TIAM2: variants seen among roughly 807,000 people sequenced by gnomAD.
TIAM2 encodes rho guanine nucleotide exchange factor TIAM2.
TIAM2 carries 80 observed loss-of-function variants against 152.9 expected under a neutral mutation model. The observed-to-expected ratio is 0.52, with a 90% CI of 0.44 to 0.63. The LOEUF is 0.63. Among genes scored for constraint, TIAM2 ranks in the 30% least tolerant of loss-of-function variants. TIAM2 has a pLI of 0.00. For missense variants in TIAM2, 1,965 were observed against 2,120.1 expected, an observed-to-expected ratio of 0.93 and a Z score of 1.44; for synonymous variants, 804 against 838.0, an observed-to-expected ratio of 0.96 and a Z score of 0.70.
chr6:155,051,860 G>A (rs753027058), intron 1 of TIAM2, among the ~76,000 whole-genome samples: 22 of 152,004 alleles, frequency 1.4e-4, no homozygotes, highest in Non-Finnish European at 2.8e-4. Flanking sequence ...GGATGGTCTC[G>A]AACTCGTGAC....
chr6:155,098,401 T>C (rs1778468578), intron 2 of TIAM2, among the ~76,000 whole-genome samples: 1 of 152,240 alleles, frequency 6.6e-6, no homozygotes, highest in Non-Finnish European at 1.5e-5. Flanking sequence ...ACTTCTTTGG[T>C]TAAATTGCTT....
At chr6:155,044,217 G>A (rs192621117) in intron 1 of TIAM2, among the ~76,000 whole-genome samples, 20 of 152,176 alleles carry the variant, frequency 1.3e-4, no homozygotes, top group African/African-American at 3.9e-4. Flanking sequence ...GAGGTCACTC[G>A]TCCTGCCCAG....
intron 1 of TIAM2, among the ~76,000 whole-genome samples, chr6:155,040,059 T>C (rs1776991878): frequency 6.6e-6 from 1 of 152,206 alleles, no homozygotes; most frequent in South Asian, 2.1e-4. Context: ...TTGAATTTCT[T>C]GCCTAGACTG....
intron 7 of TIAM2, among the ~76,000 whole-genome samples, chr6:155,164,146 C>CTTTTTTTTTTT (rs71544361): frequency 8.0e-6 from 1 of 125,362 alleles, no homozygotes; most frequent in South Asian, 2.7e-4. Context: ...TTTTTTTTTT[C>CTTTTTTTTTTT]TTTTTTTTAG....
chr6:155,109,109 G>A (rs927828781), intron 2 of TIAM2, among the ~76,000 whole-genome samples: 17 of 151,984 alleles, frequency 1.1e-4, no homozygotes, highest in African/African-American at 3.6e-4. Flanking sequence ...TCAGCCTCCC[G>A]AGTAGCTGGG....
chr6:155,147,726 C>T (rs1158439243), intron 6 of TIAM2, among the ~76,000 whole-genome samples: 1 of 152,156 alleles, frequency 6.6e-6, no homozygotes, highest in Non-Finnish European at 1.5e-5. Flanking sequence ...CTCAGGTGAT[C>T]CACCTGCTTC....
rs531156593 is a variant in TIAM2 at position 155,040,517 on chromosome 6, T to C, written c.-209+45025T>C. ...TCTTCAGCAAGAGCACAATTCTTTT[T>C]TTTTGTTGTTGTTGTTGTTGAGACG... On this transcript the variant is annotated intron_variant, in intron 1 of 26. Transcript: ENST00000682666. 4.9e-4 allele frequency among the ~76,000 whole-genome samples: 75 copies of C among 152,276 alleles called. No individual in the cohort carries two copies. The Middle Eastern group carries it at 0.01, about 21-fold the overall frequency.
chr6:155,198,925 A>G (rs17086048), intron 14 of TIAM2, among the ~76,000 whole-genome samples: 1 of 152,040 alleles, frequency 6.6e-6, no homozygotes, highest in Non-Finnish European at 1.5e-5. Flanking sequence ...CTGGAGTCCT[A>G]CTGCATATCC....
At chr6:155,215,792 T>TA (rs1781843366) in intron 15 of TIAM2, among the ~76,000 whole-genome samples, 1 of 151,616 alleles carries the variant, frequency 6.6e-6, no homozygotes, top group Admixed American at 6.6e-5. Flanking sequence ...ATTTTTTTTT[T>TA]ATTGTTTTAA....
At chr6:155,222,481 A>T (rs1265151990) in intron 15 of TIAM2, among the ~76,000 whole-genome samples, 1 of 151,822 alleles carries the variant, frequency 6.6e-6, no homozygotes, top group Non-Finnish European at 1.5e-5. Context: ...CGTTCCTGTA[A>T]TCCCAGCTAC....
chr6:155,179,074 G>C lies in TIAM2; in HGVS notation c.2559G>C (p.Gln853His). Residue 853 changes from glutamine to histidine, a missense_variant, in exon 11 of 27, where the codon CAG (glutamine) becomes CAC (histidine). By Grantham distance (24) the Gln-to-His change is conservative. Around this residue, in one of 3 missense-constraint regions of TIAM2, gnomAD observed 1,025 missense variants for 1,119.4 expected, o/e 0.92. Transcript: ENST00000682666. Reference sequence around the variant, plus strand: ...TGGAACCCAGCCATTATGGCCTACAGCTTCGAAAATTAGTAGATGACAATG... The same window carrying C: ...TGGAACCCAGCCATTATGGCCTACACCTTCGAAAATTAGTAGATGACAATG... Reference protein sequence around the residue: ...RQLEPSHYGLQLRKLVDDNVE... With the variant: ...RQLEPSHYGLHLRKLVDDNVE... The C allele has an allele frequency of 6.2e-7, 1 of 1,614,086 alleles. No homozygotes were observed. The highest frequency in any genetic ancestry group is 8.5e-7 in the Non-Finnish European group (1 of 1,179,998).
rs1461669337 is a variant in TIAM2 at position 155,029,160 on chromosome 6, T to TTA, written c.-209+33673_-209+33674dup. Among the ~76,000 whole-genome samples, 4 of 113,838 alleles carry TTA rather than the reference T, an allele frequency of 3.5e-5. No individual in the cohort carries two copies. In the East Asian group the frequency reaches 8.6e-4, roughly 24 times the overall value. 74.7% of individuals were successfully genotyped at this position (113,838 alleles called of 152,430 possible). A position where few individuals can be genotyped will look rare whatever the true frequency, so the allele number is the denominator to read the frequency against. ...TTATATACACTATATGTACTATGTG[T>TTA]TATATACACTATATGTACTATGTGT... is the stretch of plus-strand genomic sequence containing the variant. On this transcript the variant is annotated intron_variant, in intron 1 of 26. Transcript: ENST00000682666.
In TIAM2 at chr6:155,088,301, G is replaced by A. The variant is rs186272579; in HGVS notation, c.-208-1988G>A. On this transcript the variant is annotated intron_variant, in intron 1 of 26. Transcript: ENST00000682666. ...ACTCCATGTTGGCCAGGCTGGTCTC[G>A]AACTCACGACCTCAGGTGATCTGCC... 2.7e-3 allele frequency among the ~76,000 whole-genome samples: 406 copies of A among 152,054 alleles called. 2 individuals are homozygous for A. The highest frequency in any genetic ancestry group is 9.1e-3 in the African/African-American group (379 of 41,500).
At position 155,036,981 on chromosome 6, in the gene TIAM2, G is replaced by T. The variant is rs115432858; in HGVS notation, c.-209+41489G>T. The stretch of plus-strand genomic sequence containing the variant: ...TTAGAGTCAGGGCCCAGGGAATTTC[G>T]CCTTTGTCCTTAGGCACGGCTCTCT... On this transcript the variant is annotated intron_variant, in intron 1 of 26. Transcript: ENST00000682666. Among the ~76,000 whole-genome samples, 615 of 152,158 alleles carry T rather than the reference G, an allele frequency of 4.0e-3. 4 individuals carry two copies. Among genetic ancestry groups the T allele is most frequent in the African/African-American group, 0.014 (579 of 41,504 alleles).
chr6:155,064,584 G>T (rs1174620123), intron 1 of TIAM2, among the ~76,000 whole-genome samples: 1 of 152,196 alleles, frequency 6.6e-6, no homozygotes, highest in Non-Finnish European at 1.5e-5. Context: ...TATGGCTGTG[G>T]CAGAGACTTG....
chr6:155,064,406 C>T (rs762897897), intron 1 of TIAM2, among the ~76,000 whole-genome samples: 3 of 152,242 alleles, frequency 2.0e-5, no homozygotes, highest in Middle Eastern at 3.4e-3. Flanking sequence ...AAAATCAAAA[C>T]GCTGGTGTAT....
chr6:155,245,787 G>C, intron 19 of TIAM2, 56 bp downstream of exon 19: 1 of 1,097,990 alleles, frequency 9.1e-7, no homozygotes, highest in Non-Finnish European at 1.3e-6. Flanking sequence ...TTAACTGTTA[G>C]TAAAGGGTAA....
intron 4 of TIAM2, 49 bp downstream of exon 4, chr6:155,130,466 T>C (rs1265293821): frequency 6.5e-7 from 1 of 1,539,026 alleles, no homozygotes; most frequent in African/African-American, 1.4e-5. Flanking sequence ...TTTCCCCACC[T>C]GGAGAAGGGG....
chr6:155,150,793 C>G (rs747193258), intron 7 of TIAM2, among the ~76,000 whole-genome samples: 1 of 151,918 alleles, frequency 6.6e-6, no homozygotes, highest in African/African-American at 2.4e-5. Flanking sequence ...ACATGAGGAG[C>G]GAGGGATCTT....
Sources: gnomAD v4.1 joint callset for allele counts (sites outside exome capture counted in the v4.1 genomes callset) on GRCh38, gnomAD v4.1.1 for gene constraint, gnomAD v4.1.1 regional missense constraint, MANE v1.5 for transcripts, NCBI Gene and HGNC (gene_info 2026-07-23, HGNC 2026-07-21) for gene names.